Variants in DHRSX observed in about 807,000 individuals in gnomAD.
DHRSX encodes the protein dehydrogenase/reductase X-linked.
Under a neutral mutation model 34.0 loss-of-function variants are expected in DHRSX, and 31 were observed. The ratio of observed to expected loss-of-function variants is 0.91; its 90% CI spans 0.69 to 1.23. The LOEUF is 1.23. Among genes scored for constraint, DHRSX ranks in the 50% most tolerant of loss-of-function variants. The pLI, the probability that DHRSX is intolerant of heterozygous loss-of-function variation, is 0.00. For synonymous variants in DHRSX, 201 were observed against 183.8 expected (o/e 1.09, Z -0.76); for missense variants, 414 against 428.1 (o/e 0.97, Z 0.29).
intron 5 of DHRSX, among the ~76,000 whole-genome samples, chrX:2,263,615 G>A (rs1451729658): frequency 9.3e-5 from 14 of 150,844 alleles, no homozygotes; most frequent in Non-Finnish European, 1.5e-5. Context: ...CCGGGTTCAA[G>A]CGATTCTCCT....
rs2042093482 is a variant in DHRSX, at chrX:2,306,068, CAT to C, written c.287-14467_287-14466del. On this transcript the variant is annotated intron_variant, in intron 3 of 6. Transcript: ENST00000334651. ...ATAGGTGCAGCAAACCACCACGGCACATGTTTATCTATGTACAATCCTGCATA... is the reference window on the plus strand; with the variant it reads ...ATAGGTGCAGCAAACCACCACGGCACGTTTATCTATGTACAATCCTGCATA... 4.6e-5 allele frequency among the ~76,000 whole-genome samples: 7 copies of C among 152,204 alleles called. No individual in the cohort carries two copies. In the South Asian group the frequency reaches 1.5e-3, roughly 32 times the overall value.
At chrX:2,364,740 C>T (rs2042977922) in intron 3 of DHRSX, among the ~76,000 whole-genome samples, 1 of 152,018 alleles carries the variant, frequency 6.6e-6, no homozygotes, top group Non-Finnish European at 1.5e-5. Flanking sequence ...ATTTATCTAT[C>T]ATTTATCTAT....
chrX:2,445,209 C>T (rs1000397877), intron 1 of DHRSX, among the ~76,000 whole-genome samples: 15 of 151,868 alleles, frequency 9.9e-5, no homozygotes, highest in Non-Finnish European at 2.1e-4. Flanking sequence ...GACACAGGGC[C>T]GAAAAGGGCT....
intron 1 of DHRSX, among the ~76,000 whole-genome samples, chrX:2,450,561 AT>A (rs2044202630): frequency 6.6e-6 from 1 of 152,082 alleles, no homozygotes; most frequent in South Asian, 2.1e-4. Context: ...CAAAAGTTAC[AT>A]GTCAGAAAAA....
rs1175425391 is a variant in DHRSX, at chrX:2,470,153, C to CA, written c.109+30663dup. 2.0e-5 allele frequency among the ~76,000 whole-genome samples: 3 copies of CA among 150,058 alleles called. No individual in the cohort carries two copies. In the Admixed American group the frequency reaches 2.0e-4, roughly 10 times the overall value. ...GTGAAATGAACCAGGCACAGAGAGACAAATACTGTATCATCTCGTATGTAG... is the reference window on the plus strand; with the variant it reads ...GTGAAATGAACCAGGCACAGAGAGACAAAATACTGTATCATCTCGTATGTAG... On this transcript the variant is annotated intron_variant, in intron 1 of 6. Coordinates refer to ENST00000334651, the MANE Select transcript of DHRSX (RefSeq NM_145177.3).
chrX:2,355,511 TAAAAAA>T lies in DHRSX; in HGVS notation c.286+53228_286+53233del, dbSNP rs767512287. Among the ~76,000 whole-genome samples, 482 of 75,076 alleles carry T rather than the reference TAAAAAA, an allele frequency of 6.4e-3. 1 individual carries two copies. Among genetic ancestry groups the T allele is most frequent in the East Asian group, 0.026 (28 of 1,096 alleles). The allele number at this position is 75,076 out of a possible 152,430, so 49.3% of individuals were successfully genotyped here. On this transcript the variant is annotated intron_variant, in intron 3 of 6. Transcript: ENST00000334651. ...TGGGTGACAAGAGCGAGACCCCATC[TAAAAAA>T]AAAAAAAAAAAAAAAAAAAAAAAAA...
At chrX:2,243,786 C>CTTTTTTTTTTTTTTTTTTTTTT (rs2016202191) in intron 5 of DHRSX, among the ~76,000 whole-genome samples, 1 of 25,118 alleles carries the variant, frequency 4.0e-5, no homozygotes. Flanking sequence ...ACTATGCTCC[C>CTTTTTTTTTTTTTTTTTTTTTT]TGTTTTTTTT....
intron 3 of DHRSX, among the ~76,000 whole-genome samples, chrX:2,345,084 C>A (rs908045672): frequency 2.0e-5 from 3 of 151,432 alleles, no homozygotes; most frequent in South Asian, 2.1e-4. Flanking sequence ...ATCACAAGTC[C>A]CCTCAGAGCA....
chrX:2,224,075 C>T (rs2015580378), intron 6 of DHRSX, among the ~76,000 whole-genome samples: 1 of 152,246 alleles, frequency 6.6e-6, no homozygotes, highest in African/African-American at 2.4e-5. Context: ...ATATTTAGTG[C>T]TGTGCCTTCT....
Position 2,310,528 on chromosome X carries a change from C to G in DHRSX, c.287-18925G>C, listed in dbSNP as rs754148805. Among the ~76,000 whole-genome samples the G allele has an allele frequency of 6.3e-3, 939 of 149,350 alleles. 30 individuals carry two copies. Among genetic ancestry groups the G allele is most frequent in the Admixed American group, 0.053 (785 of 14,894 alleles). The stretch of plus-strand genomic sequence containing the variant: ...TGAAAGACGCTGCAGCGAGATTATT[C>G]TGTGTGTGTGTGTATATGTGTGTGT... On this transcript the variant is annotated intron_variant, in intron 3 of 6. Coordinates refer to ENST00000334651, the MANE Select transcript of DHRSX (RefSeq NM_145177.3).
At position 2,489,171 on chromosome X, in the gene DHRSX, C is replaced by T. The variant is rs2045048382; in HGVS notation, c.109+11646G>A. The stretch of plus-strand genomic sequence containing the variant: ...TCGGGCACCGGGAAGATCTTGTCCT[C>T]AGCCGGCCGGTAGCCGCCGTCTTTG... On this transcript the variant is annotated intron_variant, in intron 1 of 6. Coordinates refer to ENST00000334651, the MANE Select transcript of DHRSX (RefSeq NM_145177.3). 6 of 1,613,656 alleles carry T rather than the reference C, an allele frequency of 3.7e-6. No individual in the cohort carries two copies. The East Asian group carries it at 1.3e-4, about 36-fold the overall frequency.
chrX:2,428,161 C>T (rs1159387180), intron 1 of DHRSX, among the ~76,000 whole-genome samples: 5 of 152,118 alleles, frequency 3.3e-5, no homozygotes, highest in South Asian at 2.1e-4. Context: ...CTACCATGTA[C>T]GTTATTTGAG....
intron 3 of DHRSX, among the ~76,000 whole-genome samples, chrX:2,402,883 CTTTT>C (rs758977585): frequency 8.5e-6 from 1 of 117,768 alleles, no homozygotes; most frequent in Non-Finnish European, 1.8e-5. Flanking sequence ...TAATTGGTTT[CTTTT>C]TTTTTTTTTT....
intron 2 of DHRSX, among the ~76,000 whole-genome samples, chrX:2,410,609 T>C (rs764281233): frequency 4.6e-5 from 7 of 152,382 alleles, no homozygotes; most frequent in African/African-American, 1.7e-4. Flanking sequence ...TGCTGTTTGA[T>C]ATCCTATCAT....
In DHRSX at chrX:2,381,797, C is replaced by CAAAAA. The variant is rs767319246; in HGVS notation, c.286+26943_286+26947dup. On this transcript the variant is annotated intron_variant, in intron 3 of 6. Transcript: ENST00000334651. ...ATCCCCGTTCTCAGGAAGCCACAACCAAAAAAAAAAAAAAAAAAAAAAAGC... is the reference window on the plus strand; with the variant it reads ...ATCCCCGTTCTCAGGAAGCCACAACCAAAAAAAAAAAAAAAAAAAAAAAAAAAAGC... Among the ~76,000 whole-genome samples the CAAAAA allele has an allele frequency of 1.2e-3, 97 of 81,562 alleles. 1 individual carries two copies. Among genetic ancestry groups the CAAAAA allele is most frequent in the East Asian group, 0.01 (21 of 2,090 alleles). 53.5% of individuals were successfully genotyped at this position (81,562 alleles called of 152,430 possible). A position where few individuals can be genotyped will look rare whatever the true frequency, so the allele number is the denominator to read the frequency against.
chrX:2,331,805 C>A (rs1266319888), intron 3 of DHRSX, among the ~76,000 whole-genome samples: 1 of 152,058 alleles, frequency 6.6e-6, no homozygotes, highest in Non-Finnish European at 1.5e-5. Context: ...CAAACAGCAT[C>A]GCTTGATACA....
chrX:2,233,434 T>C, intron 6 of DHRSX, among the ~76,000 whole-genome samples: 1 of 152,064 alleles, frequency 6.6e-6, no homozygotes, highest in Non-Finnish European at 1.5e-5. Context: ...TGTATAAATG[T>C]GAACCCAAAT....
intron 3 of DHRSX, among the ~76,000 whole-genome samples, chrX:2,310,205 T>C (rs1381464806): frequency 6.6e-6 from 1 of 152,104 alleles, no homozygotes; most frequent in Non-Finnish European, 1.5e-5. Flanking sequence ...AGCCAAGAGC[T>C]GATGCGACCA....
At chrX:2,334,169 G>GTTTTTTTTTTTTTT (rs1326915674) in intron 3 of DHRSX, 1 of 40,178 alleles carries the variant, frequency 2.5e-5, no homozygotes, top group African/African-American at 1.5e-4. Flanking sequence ...TCAAAAGTAT[G>GTTTTTTTTTTTTTT]CTTTTTTTTT....
Sources: allele counts gnomAD v4.1 joint callset (sites outside exome capture counted in the v4.1 genomes callset), GRCh38; gene constraint gnomAD v4.1.1; transcripts MANE v1.5; gene names NCBI Gene and HGNC (gene_info 2026-07-23, HGNC 2026-07-21).